Variants in RALGAPA2 observed in about 807,000 individuals in gnomAD.
RALGAPA2 encodes ral GTPase-activating protein subunit alpha-2.
RALGAPA2 carries 139 observed loss-of-function variants against 230.4 expected under a neutral mutation model. That is an observed-to-expected ratio of 0.60 (90% CI 0.53 to 0.69). The LOEUF (loss-of-function observed/expected upper bound fraction) is 0.69. Among genes scored for constraint, RALGAPA2 ranks in the 30% least tolerant of loss-of-function variants. The probability of loss-of-function intolerance (pLI) is 0.00; values close to 1 mark genes in which losing one functional copy is unlikely to be tolerated. For synonymous variants in RALGAPA2, 847 were observed against 837.8 expected, an observed-to-expected ratio of 1.01 and a Z score of -0.19; for missense variants, 2,163 against 2,276.0, an observed-to-expected ratio of 0.95 and a Z score of 1.01.
At chr20:20,676,312 T>A (rs773008937) in intron 2 of RALGAPA2, 24 bp from the exon 3 acceptor site, 2 of 1,491,078 alleles carry the variant, frequency 1.3e-6, no homozygotes, top group Non-Finnish European at 1.9e-6. Context: ...AAATAATTAG[T>A]TATCATGACA....
rs376373806 is a variant in RALGAPA2, at chr20:20,419,075, T to C, written c.5496-6927A>G. Among the ~76,000 whole-genome samples, 11 of 152,210 alleles carry C rather than the reference T, an allele frequency of 7.2e-5. No homozygotes were observed. In the South Asian group the frequency reaches 1.2e-3, roughly 17 times the overall value. ...TTAAAAACAGGTTAAGTGAAACATA[T>C]TGCTTAGGGCTACACACATATGTAG... is the stretch of plus-strand genomic sequence containing the variant. On this transcript the variant is annotated intron_variant, in intron 37 of 39. Coordinates refer to ENST00000202677, the MANE Select transcript of RALGAPA2 (RefSeq NM_020343.4).
chr20:20,708,015 T>G (rs914628097), intron 1 of RALGAPA2, among the ~76,000 whole-genome samples: 1 of 152,302 alleles, frequency 6.6e-6, no homozygotes, highest in Non-Finnish European at 1.5e-5. Context: ...ATATGGCTAA[T>G]GAGCACTTGA....
intron 14 of RALGAPA2, among the ~76,000 whole-genome samples, chr20:20,608,070 C>A (rs2065874561): frequency 6.6e-6 from 1 of 152,140 alleles, no homozygotes; most frequent in South Asian, 2.1e-4. Flanking sequence ...TTTCTGTAGT[C>A]ACATTTCTCA....
At chr20:20,542,069 T>C (rs1032645611) in intron 24 of RALGAPA2, among the ~76,000 whole-genome samples, 2 of 152,182 alleles carry the variant, frequency 1.3e-5, no homozygotes, top group Non-Finnish European at 2.9e-5. Context: ...AGTCTCAGGA[T>C]ACAAAATCAA....
chr20:20,559,922 AATT>A (rs1252720542), intron 23 of RALGAPA2, among the ~76,000 whole-genome samples: 6 of 152,224 alleles, frequency 3.9e-5, no homozygotes, highest in African/African-American at 1.4e-4. Flanking sequence ...CAAAGTTCAT[AATT>A]ATTATTTTTA....
chr20:20,649,845 C>A (rs117550900), intron 4 of RALGAPA2, among the ~76,000 whole-genome samples: 1 of 152,148 alleles, frequency 6.6e-6, no homozygotes, highest in Non-Finnish European at 1.5e-5. Context: ...GCTGCCAGTG[C>A]GATTCTTTGC....
rs1354405904 is a variant in RALGAPA2 at position 20,391,945 on chromosome 20, A to G, written c.*1344T>C. ...GCCGCTGTGAGAACAAAGCCTGCGC[A>G]GTGGCGATGGACTCTGGTAAGCTTC... On this transcript the variant is annotated 3_prime_UTR_variant, in exon 40 of 40. Coordinates refer to ENST00000202677, the MANE Select transcript of RALGAPA2 (RefSeq NM_020343.4). The G allele has an allele frequency of 2.0e-5, 3 of 152,486 alleles. No homozygotes were observed. Among genetic ancestry groups the G allele is most frequent in the East Asian group, 1.9e-4 (1 of 5,190 alleles). The allele number at this position is 152,486 out of a possible 1,614,324, so 9.4% of individuals were successfully genotyped here.
chr20:20,597,058 G>C (rs1387693780), intron 16 of RALGAPA2, among the ~76,000 whole-genome samples: 2 of 152,082 alleles, frequency 1.3e-5, no homozygotes, highest in Non-Finnish European at 2.9e-5. Context: ...TATTGAATGA[G>C]AACAAAAGCT....
At chr20:20,619,182 A>G in intron 12 of RALGAPA2, 95 bp downstream of exon 12, 2 of 1,206,148 alleles carry the variant, frequency 1.7e-6, no homozygotes, top group Non-Finnish European at 2.2e-6. Flanking sequence ...AAATACCACC[A>G]TACTTTATAT....
intron 37 of RALGAPA2, among the ~76,000 whole-genome samples, chr20:20,434,327 A>T (rs2122996003): frequency 6.6e-6 from 1 of 152,262 alleles, no homozygotes; most frequent in South Asian, 2.1e-4. Flanking sequence ...ACAGTCAGCA[A>T]CGAGGCCTTG....
rs76498885 is a variant in RALGAPA2 at position 20,670,812 on chromosome 20, G to A, written c.270+5424C>T. 1.7e-3 allele frequency among the ~76,000 whole-genome samples: 264 copies of A among 151,982 alleles called. 1 individual carries two copies. In the East Asian group the frequency reaches 0.023, roughly 13 times the overall value. ...AAAAATATAACAATTAGCCGGGCAC[G>A]GTGGCAGGCACCTGTAGTCCCAACT... On this transcript the variant is annotated intron_variant, in intron 3 of 39. Transcript: ENST00000202677.
intron 27 of RALGAPA2, among the ~76,000 whole-genome samples, chr20:20,531,343 G>T (rs1051670587): frequency 2.0e-5 from 3 of 152,192 alleles, no homozygotes; most frequent in African/African-American, 7.2e-5. Flanking sequence ...AGGTGTGGAG[G>T]CCTCTCCCAG....
intron 35 of RALGAPA2, among the ~76,000 whole-genome samples, chr20:20,498,545 G>A (rs1207059606): frequency 6.6e-6 from 1 of 152,176 alleles, no homozygotes; most frequent in Non-Finnish European, 1.5e-5. Flanking sequence ...GCTCCAGAAG[G>A]AGTCGTCTGT....
At chr20:20,417,136 G>A (rs748051646) in intron 37 of RALGAPA2, among the ~76,000 whole-genome samples, 23 of 152,064 alleles carry the variant, frequency 1.5e-4, no homozygotes, top group Non-Finnish European at 2.4e-4. Context: ...AAGTTCTGGC[G>A]CCCCCGAGTT....
chr20:20,458,042 T>G (rs1158188256), intron 37 of RALGAPA2, among the ~76,000 whole-genome samples: 2 of 152,180 alleles, frequency 1.3e-5, no homozygotes, highest in Admixed American at 1.3e-4. Context: ...TCGCTGGCCC[T>G]GGCTGATGCT....
At chr20:20,615,151 T>C (rs1263093038) in intron 13 of RALGAPA2, among the ~76,000 whole-genome samples, 1 of 150,660 alleles carries the variant, frequency 6.6e-6, no homozygotes, top group Admixed American at 6.6e-5. Flanking sequence ...TCAGATGGAG[T>C]AACGTGAGGA....
At chr20:20,444,591 T>C (rs188818159) in intron 37 of RALGAPA2, among the ~76,000 whole-genome samples, 115 of 152,252 alleles carry the variant, frequency 7.6e-4, no homozygotes, top group South Asian at 1.2e-3. Context: ...ACTCTCCCCC[T>C]TACTGGAAGG....
chr20:20,422,248 G>A (rs942674988), intron 37 of RALGAPA2, among the ~76,000 whole-genome samples: 1 of 152,156 alleles, frequency 6.6e-6, no homozygotes, highest in Non-Finnish European at 1.5e-5. Flanking sequence ...AAAAACCATT[G>A]TATTATACAT....
At chr20:20,560,557 G>A (rs769516868) in intron 23 of RALGAPA2, among the ~76,000 whole-genome samples, 11 of 152,032 alleles carry the variant, frequency 7.2e-5, no homozygotes, top group South Asian at 2.1e-4. Flanking sequence ...CTTTTCTCAC[G>A]GAAACAAAAA....
Sources: gnomAD v4.1 joint callset for allele counts (sites outside exome capture counted in the v4.1 genomes callset) on GRCh38, gnomAD v4.1.1 for gene constraint, MANE v1.5 for transcripts, NCBI Gene and HGNC (gene_info 2026-07-23, HGNC 2026-07-21) for gene names.